The following VAV3 variants were observed in gnomAD, a reference collection of about 807,000 sequenced individuals.
The protein encoded by VAV3 is guanine nucleotide exchange factor VAV3.
VAV3 carries 94 observed loss-of-function variants against 131.2 expected under a neutral mutation model. That is an observed-to-expected ratio of 0.72 (90% CI 0.61 to 0.85). VAV3 has a LOEUF of 0.85. VAV3 is among the 40% of genes least tolerant of loss of function. The pLI, the probability that VAV3 is intolerant of heterozygous loss-of-function variation, is 0.00. For synonymous variants in VAV3, 349 were observed against 342.0 expected, an observed-to-expected ratio of 1.02 and a Z score of -0.22; for missense variants, 939 against 1,002.7, an observed-to-expected ratio of 0.94 and a Z score of 0.86.
chr1:107,630,244 G>A (rs1335317722), intron 20 of VAV3, among the ~76,000 whole-genome samples: 3 of 152,114 alleles, frequency 2.0e-5, no homozygotes, highest in Non-Finnish European at 2.9e-5. Context: ...GGGTTCTCTA[G>A]TTTCTGGTTC....
intron 5 of VAV3, among the ~76,000 whole-genome samples, chr1:107,771,415 G>A (rs1665037190): frequency 6.6e-6 from 1 of 152,090 alleles, no homozygotes; most frequent in Non-Finnish European, 1.5e-5. Flanking sequence ...GCCACGCCCA[G>A]CTAATTTTTT....
chr1:107,950,428 T>C (rs1307106397), intron 1 of VAV3, among the ~76,000 whole-genome samples: 1 of 152,174 alleles, frequency 6.6e-6, no homozygotes, highest in Non-Finnish European at 1.5e-5. Context: ...CTAGTTGAGC[T>C]TGCTGGTACT....
Position 107,702,545 on chromosome 1 carries a change from T to C in VAV3, c.1705+2005A>G, listed in dbSNP as rs188977095. Among the ~76,000 whole-genome samples the C allele has an allele frequency of 3.9e-5, 6 of 152,296 alleles. No individual in the cohort carries two copies. The East Asian group carries it at 1.2e-3, about 29-fold the overall frequency. On this transcript the variant is annotated intron_variant, in intron 17 of 26. Coordinates refer to ENST00000370056, the MANE Select transcript of VAV3 (RefSeq NM_006113.5). The stretch of plus-strand genomic sequence containing the variant: ...TTACTGCCATAGACAAAATGACTTA[T>C]GTAAGGACAGAGTACATTGAAATAA...
chr1:107,687,933 T>C (rs1570755625), intron 18 of VAV3, among the ~76,000 whole-genome samples: 1 of 152,310 alleles, frequency 6.6e-6, no homozygotes, highest in East Asian at 1.9e-4. Flanking sequence ...GTGATAATCA[T>C]CATCTTTCTG....
At chr1:107,614,355 C>G (rs1489458463) in intron 21 of VAV3, among the ~76,000 whole-genome samples, 1 of 152,028 alleles carries the variant, frequency 6.6e-6, no homozygotes, top group Non-Finnish European at 1.5e-5. Flanking sequence ...TTCAGCACTA[C>G]TCATGGACCC....
At chr1:107,708,515 T>C (rs1660588093) in intron 15 of VAV3, among the ~76,000 whole-genome samples, 1 of 152,188 alleles carries the variant, frequency 6.6e-6, no homozygotes, top group Non-Finnish European at 1.5e-5. Context: ...GGGCAAGGAA[T>C]GTTGACACTC....
intron 25 of VAV3, chr1:107,578,809 A>G (rs1169320514): frequency 4.1e-6 from 4 of 985,136 alleles, no homozygotes; most frequent in Non-Finnish European, 4.8e-6. Context: ...TAAAGAAATA[A>G]AACACTATAT....
intron 15 of VAV3, among the ~76,000 whole-genome samples, chr1:107,706,177 A>C (rs746586367): frequency 4.6e-5 from 7 of 152,132 alleles, no homozygotes; most frequent in Non-Finnish European, 8.8e-5. Context: ...AATTTGAGAG[A>C]CTGTAGGAAA....
intron 2 of VAV3, among the ~76,000 whole-genome samples, chr1:107,863,811 G>A (rs1669858790): frequency 6.6e-6 from 1 of 152,164 alleles, no homozygotes. Context: ...AAACAGCAAA[G>A]AGAAGTTTGA....
intron 1 of VAV3, among the ~76,000 whole-genome samples, chr1:107,919,637 T>C (rs1388632717): frequency 6.6e-6 from 1 of 152,182 alleles, no homozygotes; most frequent in African/African-American, 2.4e-5. Flanking sequence ...ATGCATAATT[T>C]CCTCTAAGTA....
At chr1:107,723,519 C>T (rs953021996) in intron 15 of VAV3, among the ~76,000 whole-genome samples, 9 of 102,166 alleles carry the variant, frequency 8.8e-5, no homozygotes, top group African/African-American at 2.8e-4. Context: ...CTGGGCCTGG[C>T]TGCTTGACAC....
chr1:107,879,127 T>C (rs1338401294), intron 1 of VAV3, among the ~76,000 whole-genome samples: 3 of 152,184 alleles, frequency 2.0e-5, no homozygotes, highest in Non-Finnish European at 2.9e-5. Context: ...ATTACAATAA[T>C]ATTTGTTTCA....
At chr1:107,703,692 T>G (rs1325501996) in intron 17 of VAV3, among the ~76,000 whole-genome samples, 3 of 152,236 alleles carry the variant, frequency 2.0e-5, no homozygotes, top group African/African-American at 7.2e-5. Flanking sequence ...CCAAAATAAT[T>G]CAATGTCCAC....
At chr1:107,925,900 A>ATATATGTGT (rs1553231894) in intron 1 of VAV3, among the ~76,000 whole-genome samples, 1 of 149,758 alleles carries the variant, frequency 6.7e-6, no homozygotes, top group South Asian at 2.1e-4. Context: ...AACATATATG[A>ATATATGTGT]TATATATGTT....
rs200666582 is a variant in VAV3 at position 107,882,534 on chromosome 1, C to CT, written c.205-7518dup. On this transcript the variant is annotated intron_variant, in intron 1 of 26. Coordinates refer to ENST00000370056, the MANE Select transcript of VAV3 (RefSeq NM_006113.5). Reference sequence around the variant, plus strand: ...ACCTCTCCAAAGGTCTCAGATCATCCTTTTTTTTAACTGGTAAGGAGGAAG... The same window carrying CT: ...ACCTCTCCAAAGGTCTCAGATCATCCTTTTTTTTTAACTGGTAAGGAGGAAG... Among the ~76,000 whole-genome samples, 857 of 151,950 alleles carry CT rather than the reference C, an allele frequency of 5.6e-3. 11 individuals are homozygous for CT. Among genetic ancestry groups the CT allele is most frequent in the African/African-American group, 0.02 (815 of 41,456 alleles).
chr1:107,720,894 G>C (rs1248610449), intron 15 of VAV3, among the ~76,000 whole-genome samples: 1 of 152,222 alleles, frequency 6.6e-6, no homozygotes, highest in African/African-American at 2.4e-5. Flanking sequence ...CAAAATGCAA[G>C]AACTCTGATT....
chr1:107,671,606 A>T (rs1255448988), intron 19 of VAV3, among the ~76,000 whole-genome samples: 1 of 152,208 alleles, frequency 6.6e-6, no homozygotes, highest in Non-Finnish European at 1.5e-5. Flanking sequence ...GGAGCAGCAG[A>T]GTAAATTAAG....
At chr1:107,770,144 T>C (rs1437365327) in intron 6 of VAV3, among the ~76,000 whole-genome samples, 1 of 152,086 alleles carries the variant, frequency 6.6e-6, no homozygotes, top group African/African-American at 2.4e-5. Context: ...GCTGAACACT[T>C]TCCAATCAGA....
At chr1:107,617,504 C>T in intron 21 of VAV3, 63 bp downstream of exon 21, 1 of 1,454,538 alleles carries the variant, frequency 6.9e-7, no homozygotes, top group South Asian at 1.3e-5. Context: ...TAGATTTTTG[C>T]ACAATTAATC....
Sources: gnomAD v4.1 joint callset for allele counts (sites outside exome capture counted in the v4.1 genomes callset) on GRCh38, gnomAD v4.1.1 for gene constraint, MANE v1.5 for transcripts, NCBI Gene and HGNC (gene_info 2026-07-23, HGNC 2026-07-21) for gene names.